The following PCDH15 variants were observed in gnomAD, a reference collection of about 807,000 sequenced individuals.
PCDH15 encodes the protein protocadherin related 15.
Under a neutral mutation model 178.5 loss-of-function variants are expected in PCDH15, and 129 were observed. The observed-to-expected ratio is 0.72, with a 90% CI of 0.63 to 0.84. The LOEUF is 0.84. Among genes scored for constraint, PCDH15 ranks in the 40% least tolerant of loss-of-function variants. PCDH15 has a pLI of 0.00. For synonymous variants in PCDH15, 800 were observed against 732.0 expected (o/e 1.09, Z -1.50); for missense variants, 2,230 against 2,099.9 (o/e 1.06, Z -1.21).
chr10:54,665,880 C>G (rs1382292235), intron 1 of PCDH15, among the ~76,000 whole-genome samples: 1 of 151,958 alleles, frequency 6.6e-6, no homozygotes, highest in Admixed American at 6.6e-5. Flanking sequence ...ACAATCCACA[C>G]TAACCTGTAG....
intron 1 of PCDH15, among the ~76,000 whole-genome samples, chr10:54,783,088 G>A (rs905972022): frequency 2.0e-5 from 3 of 152,036 alleles, no homozygotes; most frequent in Non-Finnish European, 4.4e-5. Flanking sequence ...AAGGAAACGT[G>A]ACACTTTCAA....
At chr10:54,617,012 A>T (rs2093180581) in intron 2 of PCDH15, among the ~76,000 whole-genome samples, 2 of 151,952 alleles carry the variant, frequency 1.3e-5, no homozygotes, top group African/African-American at 4.8e-5. Context: ...CATGAATTTC[A>T]TTGTATCTTT....
chr10:53,844,250 C>G (rs539865151), intron 28 of PCDH15, among the ~76,000 whole-genome samples: 1 of 152,052 alleles, frequency 6.6e-6, no homozygotes, highest in East Asian at 1.9e-4. Context: ...ATCTACCTTA[C>G]ATTTAAAGGA....
At chr10:55,203,299 G>GATT (rs969830891) in intron 1 of PCDH15, among the ~76,000 whole-genome samples, 1 of 151,646 alleles carries the variant, frequency 6.6e-6, no homozygotes. Context: ...CTGATTTCTG[G>GATT]ATTATTATTA....
intron 3 of PCDH15, among the ~76,000 whole-genome samples, chr10:54,866,891 C>A (rs1422861072): frequency 2.6e-5 from 4 of 152,104 alleles, no homozygotes; most frequent in African/African-American, 9.7e-5. Flanking sequence ...TTTATTAGAG[C>A]TTGCACTGAA....
At chr10:55,379,515 A>G (rs180881065) in intron 2 of PCDH15, among the ~76,000 whole-genome samples, 65 of 152,184 alleles carry the variant, frequency 4.3e-4, no homozygotes, top group African/African-American at 1.6e-3. Context: ...ATAGGTCACG[A>G]ATATCAATAT....
At chr10:54,546,403 A>G (rs1480197831) in intron 2 of PCDH15, among the ~76,000 whole-genome samples, 1 of 152,134 alleles carries the variant, frequency 6.6e-6, no homozygotes, top group Non-Finnish European at 1.5e-5. Flanking sequence ...AGTCTTTTTA[A>G]TATTAAAGAC....
intron 2 of PCDH15, among the ~76,000 whole-genome samples, chr10:54,899,910 G>A (rs759134069): frequency 6.8e-6 from 1 of 146,938 alleles, no homozygotes; most frequent in Non-Finnish European, 1.5e-5. Context: ...AAAATTTGCT[G>A]TGCATTCCAA....
chr10:55,139,636 T>C (rs995489906), intron 2 of PCDH15, among the ~76,000 whole-genome samples: 1 of 152,070 alleles, frequency 6.6e-6, no homozygotes, highest in Non-Finnish European at 1.5e-5. Flanking sequence ...TTTCATTCTG[T>C]TCCATCGATC....
intron 18 of PCDH15, among the ~76,000 whole-genome samples, chr10:54,038,493 G>A (rs2093468870): frequency 1.3e-5 from 2 of 151,918 alleles, no homozygotes; most frequent in Admixed American, 6.6e-5. Flanking sequence ...GCCAACCCAA[G>A]GAAGGAGCTG....
chr10:54,859,492 C>G (rs1487937190), intron 3 of PCDH15, among the ~76,000 whole-genome samples: 2 of 151,966 alleles, frequency 1.3e-5, no homozygotes, highest in Non-Finnish European at 2.9e-5. Flanking sequence ...AAATTCATCT[C>G]ATTTTGTACA....
intron 2 of PCDH15, among the ~76,000 whole-genome samples, chr10:55,606,526 A>G (rs1172516614): frequency 8.3e-5 from 12 of 144,926 alleles, no homozygotes; most frequent in Non-Finnish European, 1.7e-4. Context: ...CCAAAACAGC[A>G]TGGTACTGGT....
chr10:54,772,671 T>A (rs991814395), intron 1 of PCDH15, among the ~76,000 whole-genome samples: 4 of 151,746 alleles, frequency 2.6e-5, no homozygotes, highest in Non-Finnish European at 4.4e-5. Context: ...TTGGTGGGAG[T>A]GTAAATTATT....
At chr10:55,463,895 GAGAGAGAAAGAAAGAA>G (rs1839736789) in intron 2 of PCDH15, among the ~76,000 whole-genome samples, 3 of 125,962 alleles carry the variant, frequency 2.4e-5, no homozygotes, top group Middle Eastern at 3.8e-3. Flanking sequence ...GAGAGGGAGA[GAGAGAGAAAGAAAGAA>G]AGAAAGAAAG....
intron 21 of PCDH15, among the ~76,000 whole-genome samples, chr10:53,972,727 A>G (rs945890816): frequency 1.3e-5 from 2 of 152,208 alleles, no homozygotes; most frequent in Non-Finnish European, 2.9e-5. Flanking sequence ...AATGCAAATC[A>G]AAACCACAAT....
At chr10:53,875,784 A>G (rs1366226318) in intron 26 of PCDH15, among the ~76,000 whole-genome samples, 1 of 152,226 alleles carries the variant, frequency 6.6e-6, no homozygotes, top group Non-Finnish European at 1.5e-5. Context: ...GTACAACATT[A>G]AAAGAAAATC....
At chr10:53,932,622 C>T (rs940826769) in intron 25 of PCDH15, among the ~76,000 whole-genome samples, 11 of 152,146 alleles carry the variant, frequency 7.2e-5, no homozygotes, top group Non-Finnish European at 1.5e-4. Flanking sequence ...TACAACTTTA[C>T]AACAACCCTC....
chr10:53,882,128 GAGAAAAGCTGAGTGTTGGC>G (rs67659895), intron 26 of PCDH15, among the ~76,000 whole-genome samples: 100,527 of 151,778 alleles, frequency 0.66, 34,062 homozygotes, highest in East Asian at 0.88. Context: ...TGAGTGTTGG[GAGAAAAGCTGAGTGTTGGC>G]AGAGAAGCTG....
At chr10:54,953,184 C>A in intron 2 of PCDH15, among the ~76,000 whole-genome samples, 1 of 149,106 alleles carries the variant, frequency 6.7e-6, no homozygotes, top group South Asian at 2.1e-4. Flanking sequence ...TTGAAGAATT[C>A]CTCTTTCCTC....
Sources: gnomAD v4.1 joint callset for allele counts (sites outside exome capture counted in the v4.1 genomes callset) on GRCh38, gnomAD v4.1.1 for gene constraint, MANE v1.5 for transcripts, NCBI Gene and HGNC (gene_info 2026-07-23, HGNC 2026-07-21) for gene names.